BBS9: variants seen among roughly 807,000 people sequenced by gnomAD.
The protein encoded by BBS9 is protein PTHB1.
In BBS9, 89 loss-of-function variants were observed where a neutral mutation model predicts 117.7. That is an observed-to-expected ratio of 0.76 (90% CI 0.64 to 0.90). The LOEUF is 0.90. BBS9 is among the 40% of genes least tolerant of loss of function. The pLI is 0.00. For synonymous variants in BBS9, 379 were observed against 370.9 expected, an observed-to-expected ratio of 1.02 and a Z score of -0.25; for missense variants, 982 against 1,042.2, an observed-to-expected ratio of 0.94 and a Z score of 0.80.
At chr7:33,149,032 G>A (rs911143217) in intron 2 of BBS9, among the ~76,000 whole-genome samples, 2 of 152,190 alleles carry the variant, frequency 1.3e-5, no homozygotes, top group African/African-American at 4.8e-5. Context: ...TATGAATGGG[G>A]AGTGAGTGGG....
Position 33,357,983 on chromosome 7 carries a change from A to G in BBS9, c.1681A>G (p.Ser561Gly). 1 of 1,612,298 alleles carries G rather than the reference A, an allele frequency of 6.2e-7. No individual in the cohort carries two copies. Among genetic ancestry groups the G allele is most frequent in the Non-Finnish European group, 8.5e-7 (1 of 1,178,812 alleles). ...DTNKSPVSLL[S>G]LFPGFASQSD... The stretch of plus-strand genomic sequence containing the variant: ...CAACAAATCTCCAGTCAGTCTTCTT[A>G]GTCTCTTCCCAGGTAAGACTGTTGA... The change falls in exon 16 of 23, where the codon AGT becomes GGT. Residue 561 changes from serine to glycine, a missense_variant. Ser to Gly is a moderately conservative substitution (Grantham distance 56). Coordinates refer to ENST00000242067, the MANE Select transcript of BBS9 (RefSeq NM_198428.3).
intron 19 of BBS9, among the ~76,000 whole-genome samples, chr7:33,489,768 T>A (rs1476110405): frequency 6.6e-6 from 1 of 152,182 alleles, no homozygotes; most frequent in Non-Finnish European, 1.5e-5. Context: ...TCCTGAAGCT[T>A]CACGTGCTAT....
At chr7:33,576,130 G>A (rs1042540855) in intron 21 of BBS9, among the ~76,000 whole-genome samples, 10 of 152,046 alleles carry the variant, frequency 6.6e-5, no homozygotes, top group African/African-American at 2.2e-4. Context: ...CTGTTTGCAG[G>A]TGACATGATT....
At chr7:33,543,636 T>G (rs1449561869) in intron 21 of BBS9, among the ~76,000 whole-genome samples, 3 of 152,242 alleles carry the variant, frequency 2.0e-5, no homozygotes, top group African/African-American at 7.2e-5. Flanking sequence ...TTAAGATTCT[T>G]TCCTTTGTCT....
At chr7:33,346,150 G>A (rs895089890) in intron 12 of BBS9, 4 of 386,896 alleles carry the variant, frequency 1.0e-5, no homozygotes, top group African/African-American at 4.3e-5. Context: ...CAGACACAAT[G>A]TCTTCCTGAT....
intron 11 of BBS9, among the ~76,000 whole-genome samples, chr7:33,343,698 C>T (rs555284496): frequency 0.011 from 1,663 of 152,164 alleles, 28 homozygotes; most frequent in African/African-American, 0.031. Context: ...GGGGTTTCAT[C>T]ATGTTGGCCA....
chr7:33,431,903 G>A (rs377506827), intron 19 of BBS9, among the ~76,000 whole-genome samples: 1 of 151,988 alleles, frequency 6.6e-6, no homozygotes, highest in Non-Finnish European at 1.5e-5. Flanking sequence ...GCTTTTGAGG[G>A]AATGAACATT....
rs376396499 is a variant in BBS9 at position 33,215,849 on chromosome 7, AT to A, written c.442+38262del. On this transcript the variant is annotated intron_variant, in intron 5 of 22. Transcript: ENST00000242067. The stretch of plus-strand genomic sequence containing the variant: ...CTGAAAGAGGAGAAGCTCTAGAATA[AT>A]TTTATGATTAGATTAAACATGTAAA... Among the ~76,000 whole-genome samples, 56 of 152,372 alleles carry A rather than the reference AT, an allele frequency of 3.7e-4. 1 individual carries two copies. The South Asian group carries it at 0.011, about 30-fold the overall frequency.
At chr7:33,272,864 TA>T (rs199744710) in intron 7 of BBS9, 147 bp from the exon 8 acceptor site, 50 of 823,014 alleles carry the variant, frequency 6.1e-5, no homozygotes, top group Non-Finnish European at 8.6e-5. Flanking sequence ...GTCATAGTGA[TA>T]AAAAAAAGAA....
downstream of BBS9, among the ~76,000 whole-genome samples, chr7:33,635,679 T>C (rs539101878): frequency 6.6e-6 from 1 of 152,350 alleles, no homozygotes; most frequent in Non-Finnish European, 1.5e-5. Flanking sequence ...TATCCAAATA[T>C]AGGCGAGTGT....
In BBS9 at chr7:33,574,726, C is replaced by CACACACACAT. The variant is rs759591866; in HGVS notation, c.2522-30139_2522-30138insACACACACAT. Among the ~76,000 whole-genome samples the CACACACACAT allele has an allele frequency of 5.8e-4, 75 of 129,582 alleles. 1 individual carries two copies. In the South Asian group the frequency reaches 0.016, roughly 27 times the overall value. 85.0% of individuals were successfully genotyped at this position (129,582 alleles called of 152,430 possible). Reference sequence around the variant, plus strand: ...ACACACACACACACACACACACACACGCGCACACACACACACTTTCACTAT... The same window carrying CACACACACAT: ...ACACACACACACACACACACACACACACACACACATGCGCACACACACACACTTTCACTAT... On this transcript the variant is annotated intron_variant, in intron 21 of 22. Coordinates refer to ENST00000242067, the MANE Select transcript of BBS9 (RefSeq NM_198428.3).
At chr7:33,601,458 G>C (rs747392853) in intron 21 of BBS9, among the ~76,000 whole-genome samples, 18 of 152,114 alleles carry the variant, frequency 1.2e-4, no homozygotes, top group Non-Finnish European at 2.5e-4. Flanking sequence ...AGTTTGTTTG[G>C]AAGTTTTATA....
intron 19 of BBS9, among the ~76,000 whole-genome samples, chr7:33,421,259 T>C (rs567594256): frequency 2.4e-4 from 36 of 152,244 alleles, no homozygotes; most frequent in African/African-American, 7.9e-4. Context: ...TTACAGCGAC[T>C]TTTACATGAT....
chr7:33,138,347 G>C (rs1216350216), intron 1 of BBS9, among the ~76,000 whole-genome samples: 3 of 151,078 alleles, frequency 2.0e-5, no homozygotes, highest in Non-Finnish European at 4.4e-5. Context: ...CTCTGAAAAA[G>C]AAGGGGAAAA....
chr7:33,549,988 AT>A (rs1252394526), intron 21 of BBS9, among the ~76,000 whole-genome samples: 2 of 152,210 alleles, frequency 1.3e-5, no homozygotes, highest in African/African-American at 4.8e-5. Context: ...AAAAGTTGAT[AT>A]TTATTCCAGC....
chr7:33,189,092 C>G (rs1407761218), intron 5 of BBS9, among the ~76,000 whole-genome samples: 1 of 152,268 alleles, frequency 6.6e-6, no homozygotes, highest in African/African-American at 2.4e-5. Flanking sequence ...ACGATCTCAG[C>G]TTACTGCAAC....
chr7:33,289,315 G>T (rs1803532946), intron 9 of BBS9, among the ~76,000 whole-genome samples: 1 of 152,112 alleles, frequency 6.6e-6, no homozygotes, highest in Admixed American at 6.6e-5. Flanking sequence ...ATCAACTTGA[G>T]TCTTTGGAAA....
At chr7:33,291,286 T>G (rs2128400211) in intron 9 of BBS9, among the ~76,000 whole-genome samples, 1 of 152,282 alleles carries the variant, frequency 6.6e-6, no homozygotes, top group South Asian at 2.1e-4. Flanking sequence ...TTAGTTAGTG[T>G]CTAAAATCTG....
At chr7:33,418,231 T>G (rs1244685143) in intron 19 of BBS9, among the ~76,000 whole-genome samples, 1 of 152,210 alleles carries the variant, frequency 6.6e-6, no homozygotes, top group East Asian at 1.9e-4. Context: ...ATCCATGTGT[T>G]CATTTGTTGC....
Sources: gnomAD v4.1 joint callset for allele counts (sites outside exome capture counted in the v4.1 genomes callset) on GRCh38, gnomAD v4.1.1 for gene constraint, MANE v1.5 for transcripts, NCBI Gene and HGNC (gene_info 2026-07-23, HGNC 2026-07-21) for gene names.